NFASC: variants seen among roughly 807,000 people sequenced by gnomAD.
NFASC encodes neurofascin homolog.
Under a neutral mutation model 147.5 loss-of-function variants are expected in NFASC, and 43 were observed. The observed-to-expected ratio is 0.29, with a 90% CI of 0.23 to 0.38. The LOEUF (loss-of-function observed/expected upper bound fraction) is 0.38, where lower values mean the gene tolerates loss of function less well. NFASC is among the 10% of genes least tolerant of loss of function. The pLI, the probability that NFASC is intolerant of heterozygous loss-of-function variation, is 1.00. For synonymous variants in NFASC, 622 were observed against 665.5 expected (o/e 0.93, Z 1.01); for missense variants, 1,320 against 1,689.0 (o/e 0.78, Z 3.83).
At position 204,986,179 on chromosome 1, in the gene NFASC, A is replaced by G. The variant is rs2095611046; in HGVS notation, c.2471-1239A>G. The G allele has an allele frequency of 6.3e-6, 8 of 1,265,228 alleles. No homozygotes were observed. Among genetic ancestry groups the G allele is most frequent in the Non-Finnish European group, 9.2e-6 (8 of 867,542 alleles). The allele number at this position is 1,265,228 out of a possible 1,614,324, so 78.4% of individuals were successfully genotyped here. ...AGGGTGGCACACACCTTGGGCCTGG[A>G]GAAACTCCAGCGTGGCTCAGCATGG... On this transcript the variant is annotated intron_variant, in intron 21 of 29. Transcript: ENST00000339876. This position sits in a 1 kb window ranked among gnomAD's most constrained non-coding sequence, Gnocchi z 4.2.
rs1553266064 is a variant in NFASC at position 204,939,040 on chromosome 1, G to GGA, written c.-90-5186_-90-5185insGA. Reference sequence around the variant, plus strand: ...CTCTTTTCTTCCTGTATGGATGGATGTGTGTGTGTGTGTGTGTGTGTGTGT... The same window carrying GGA: ...CTCTTTTCTTCCTGTATGGATGGATGGATGTGTGTGTGTGTGTGTGTGTGTGT... On this transcript the variant is annotated intron_variant, in intron 2 of 29. Coordinates refer to ENST00000339876, the MANE Select transcript of NFASC (RefSeq NM_001005388.3). Among the ~76,000 whole-genome samples, 237 of 115,680 alleles carry GGA rather than the reference G, an allele frequency of 2.0e-3. 1 individual carries two copies. The highest frequency in any genetic ancestry group is 6.4e-3 in the South Asian group (24 of 3,756). The allele number at this position is 115,680 out of a possible 152,430, so 75.9% of individuals were successfully genotyped here.
At chr1:204,943,904 G>T (rs2093539686) in intron 2 of NFASC, among the ~76,000 whole-genome samples, 1 of 152,210 alleles carries the variant, frequency 6.6e-6, no homozygotes, top group South Asian at 2.1e-4. Flanking sequence ...GTTTTCAGCT[G>T]GGAGTTTTGC....
chr1:204,984,014 C>G, intron 21 of NFASC: 1 of 1,592,802 alleles, frequency 6.3e-7, no homozygotes, highest in African/African-American at 1.3e-5. Flanking sequence ...CTCTCTGTCC[C>G]AACACATTGC....
At chr1:204,961,726 A>G (rs1013947774) in intron 8 of NFASC, among the ~76,000 whole-genome samples, 1 of 152,264 alleles carries the variant, frequency 6.6e-6, no homozygotes, top group Non-Finnish European at 1.5e-5. Flanking sequence ...AGTCCTGGGA[A>G]CTGAGGATTT....
intron 5 of NFASC, among the ~76,000 whole-genome samples, chr1:204,953,290 G>T (rs577107941): frequency 6.6e-6 from 1 of 152,136 alleles, no homozygotes; most frequent in East Asian, 1.9e-4. Flanking sequence ...CTGTTTTTTT[G>T]TTTGTTTGTT....
chr1:204,965,668 T>C (rs1354533917), intron 8 of NFASC, among the ~76,000 whole-genome samples: 1 of 152,182 alleles, frequency 6.6e-6, no homozygotes, highest in Non-Finnish European at 1.5e-5. Context: ...GTGGAAGAGT[T>C]TCACCAGAGC....
At chr1:204,898,203 C>T (rs755527916) in intron 1 of NFASC, among the ~76,000 whole-genome samples, 4 of 152,084 alleles carry the variant, frequency 2.6e-5, no homozygotes, top group Non-Finnish European at 5.9e-5. Context: ...TTTTCTGAAC[C>T]GCTGCATTAA....
chr1:204,922,556 G>C (rs752468468), intron 2 of NFASC, among the ~76,000 whole-genome samples: 4 of 152,156 alleles, frequency 2.6e-5, no homozygotes, highest in Admixed American at 6.5e-5. Flanking sequence ...ATTCCCATTT[G>C]ATTGGTGAAT....
chr1:204,977,637 G>GGATAAGCTGCTAAC, intron 16 of NFASC, 44 bp from the exon 17 acceptor site: 1 of 1,592,346 alleles, frequency 6.3e-7, no homozygotes. Context: ...CACCTTTAAT[G>GGATAAGCTGCTAAC]CTGGATAACC....
intron 27 of NFASC, among the ~76,000 whole-genome samples, chr1:205,006,108 C>T (rs2096103738): frequency 6.6e-6 from 1 of 152,200 alleles, no homozygotes; most frequent in East Asian, 1.9e-4. Flanking sequence ...GAAGTAATTC[C>T]TTCATCCCAG....
At position 205,005,544 on chromosome 1, in the gene NFASC, A is replaced by G. The variant is rs999736961; in HGVS notation, c.3289+2796A>G. ...CGCACCCTGGTCTTTGCACACAGATATTACTGGATCCGTTAGGAATCTTGA... is the reference window on the plus strand; with the variant it reads ...CGCACCCTGGTCTTTGCACACAGATGTTACTGGATCCGTTAGGAATCTTGA... On this transcript the variant is annotated intron_variant, in intron 27 of 29. Coordinates refer to ENST00000339876, the MANE Select transcript of NFASC (RefSeq NM_001005388.3). 3.9e-5 allele frequency among the ~76,000 whole-genome samples: 6 copies of G among 152,200 alleles called. No homozygotes were observed. In the South Asian group the frequency reaches 6.2e-4, roughly 16 times the overall value.
Position 205,002,732 on chromosome 1 carries a change from C to A in NFASC, c.3273C>A (p.Thr1091=). 1 of 1,547,880 alleles carries A rather than the reference C, an allele frequency of 6.5e-7. No homozygotes were observed. Among genetic ancestry groups the A allele is most frequent in the Admixed American group, 1.7e-5 (1 of 58,668 alleles). Residue 1091 remains threonine (T), a synonymous_variant, in exon 27 of 30, where the codon ACC becomes ACA. Transcript: ENST00000339876. ...AGGGCATCAGCAGTACCGTCATCAC[C>A]TTTATGACCAGTACAGGTGAGAGGG... is the stretch of plus-strand genomic sequence containing the variant. The part of the protein sequence containing the change: ...DNEGISSTVI[T]FMTSTAYTNN...
In NFASC at chr1:204,986,285, A is replaced by G. The variant is rs1285392387; in HGVS notation, c.2471-1133A>G. Among the ~76,000 whole-genome samples the G allele has an allele frequency of 1.3e-5, 2 of 152,212 alleles. No individual in the cohort carries two copies. The highest frequency in any genetic ancestry group is 1.5e-5 in the Non-Finnish European group (1 of 68,026). On this transcript the variant is annotated intron_variant, in intron 21 of 29. Coordinates refer to ENST00000339876, the MANE Select transcript of NFASC (RefSeq NM_001005388.3). This position sits in a 1 kb window ranked among gnomAD's most constrained non-coding sequence, Gnocchi z 4.2. ...CCACTACAGCCATTCCCAGACCACCATCGCCAAGGTGACCTGCCCTGCGAG... is the reference window on the plus strand; with the variant it reads ...CCACTACAGCCATTCCCAGACCACCGTCGCCAAGGTGACCTGCCCTGCGAG...
intron 1 of NFASC, among the ~76,000 whole-genome samples, chr1:204,894,405 G>A (rs1289526837): frequency 6.6e-6 from 1 of 152,220 alleles, no homozygotes; most frequent in Non-Finnish European, 1.5e-5. Flanking sequence ...AGGGGATGGG[G>A]TTCCTTGTAA....
At chr1:204,918,417 A>G (rs2089755931) in intron 1 of NFASC, among the ~76,000 whole-genome samples, 1 of 152,058 alleles carries the variant, frequency 6.6e-6, no homozygotes, top group African/African-American at 2.4e-5. Flanking sequence ...GCCCAAGACA[A>G]TTCTTCTTCT....
In NFASC at chr1:204,988,744, C is replaced by T. The variant is rs761496452; in HGVS notation, c.2705C>T (p.Ala902Val). Residue 902 changes from alanine to valine, a missense_variant, in exon 23 of 30, where the codon GCC becomes GTC. Ala to Val is a moderately conservative substitution (Grantham distance 64, BLOSUM62 0). Transcript: ENST00000339876. ...TCACGCTACCGCTTTACCCTCAGCG[C>T]CAGGACGCAGGTGGGCTCTGGGGAA... ...PVSRYRFTLS[A>V]RTQVGSGEAV... The T allele has an allele frequency of 1.2e-6, 2 of 1,614,106 alleles. No homozygotes were observed. Among genetic ancestry groups the T allele is most frequent in the African/African-American group, 1.3e-5 (1 of 74,936 alleles).
intron 1 of NFASC, among the ~76,000 whole-genome samples, chr1:204,870,386 G>A (rs984426014): frequency 6.6e-6 from 1 of 152,160 alleles, no homozygotes; most frequent in Non-Finnish European, 1.5e-5. Flanking sequence ...GATGGAACAG[G>A]GTGGGTATTA....
intron 1 of NFASC, among the ~76,000 whole-genome samples, chr1:204,867,207 A>G (rs1489547448): frequency 2.0e-5 from 3 of 152,188 alleles, no homozygotes; most frequent in Non-Finnish European, 4.4e-5. Flanking sequence ...AGATTTATTT[A>G]GTGTTGCTCC....
In NFASC at chr1:204,909,893, T is replaced by C. The variant is rs116992920; in HGVS notation, c.-199-10739T>C. On this transcript the variant is annotated intron_variant, in intron 1 of 29. Transcript: ENST00000339876. ...CTTTATCAAAAATCAGTTAAGTATA[T>C]GTGTGTTTCTATTTTGGGTTTTTTT... Among the ~76,000 whole-genome samples, 475 of 152,224 alleles carry C rather than the reference T, an allele frequency of 3.1e-3. 10 individuals carry two copies. The highest frequency in any genetic ancestry group is 0.013 in the East Asian group (65 of 5,190).
Sources: allele counts gnomAD v4.1 joint callset (sites outside exome capture counted in the v4.1 genomes callset), GRCh38; gene constraint gnomAD v4.1.1; non-coding constraint Gnocchi (gnomAD v3.1); transcripts MANE v1.5; gene names NCBI Gene and HGNC (gene_info 2026-07-23, HGNC 2026-07-21).